The following TRANK1 variants were observed in gnomAD, a reference collection of about 807,000 sequenced individuals.
The protein encoded by TRANK1 is tetratricopeptide repeat and ankyrin repeat containing 1.
TRANK1 carries 198 observed loss-of-function variants against 266.0 expected under a neutral mutation model. The observed-to-expected ratio is 0.74, with a 90% CI of 0.66 to 0.84. The LOEUF (loss-of-function observed/expected upper bound fraction) is 0.84, where lower values mean the gene tolerates loss of function less well. Ranked by LOEUF, TRANK1 falls within the 40% of genes least tolerant of loss-of-function variation. The pLI is 0.00. For synonymous variants in TRANK1, 1,396 were observed against 1,384.1 expected, an observed-to-expected ratio of 1.01 and a Z score of -0.19; for missense variants, 3,326 against 3,634.6, an observed-to-expected ratio of 0.92 and a Z score of 2.18.
At position 36,857,832 on chromosome 3, in the gene TRANK1, A is replaced by T. The variant is rs1377522703; in HGVS notation, c.1890T>A (p.Asp630Glu). The change falls in exon 13 of 24, where the codon GAT becomes GAA. Residue 630 changes from aspartate to glutamate, a missense_variant. Coordinates refer to ENST00000645898, the MANE Select transcript of TRANK1 (RefSeq NM_001329998.2). This position sits in a 1 kb window ranked among gnomAD's most constrained non-coding sequence, Gnocchi z 4.3. ...CGTTCTTCTTAATCCGGTGCCGTGC[A>T]TCTTTGCCCTCTTTGTTCTTCAGAT... ...NFNLKNKEGK[D>E]ARHRIKKNDS... 2.9e-5 allele frequency: 46 copies of T among 1,613,798 alleles called. No homozygotes were observed. The highest frequency in any genetic ancestry group is 3.9e-5 in the Non-Finnish European group (46 of 1,179,886).
At chr3:36,941,510 A>G (rs967261564) in intron 1 of TRANK1, among the ~76,000 whole-genome samples, 1 of 152,250 alleles carries the variant, frequency 6.6e-6, no homozygotes, top group Non-Finnish European at 1.5e-5. Context: ...GATTTTCAAC[A>G]AAAACAAACA....
intron 1 of TRANK1, among the ~76,000 whole-genome samples, chr3:36,924,679 C>T (rs894456207): frequency 2.0e-4 from 31 of 152,120 alleles, no homozygotes; most frequent in Admixed American, 8.5e-4. Flanking sequence ...TCACAAGACC[C>T]CAGCCCCCTC....
At position 36,855,606 on chromosome 3, in the gene TRANK1, T is replaced by G. The variant is rs561024271; in HGVS notation, c.4116A>C (p.Val1372=). Residue 1372 remains valine (V), a synonymous_variant, in exon 13 of 24, where the codon GTA becomes GTC. Coordinates refer to ENST00000645898, the MANE Select transcript of TRANK1 (RefSeq NM_001329998.2). ...SCPHGRLTEE[V]YKKLGRKRCP... ...ACCGTTTCCTCCCTAATTTCTTATA[T>G]ACTTCTTCAGTGAGTCTCCCATGGG... 1 of 1,613,936 alleles carries G rather than the reference T, an allele frequency of 6.2e-7. No homozygotes were observed. The highest frequency in any genetic ancestry group is 1.1e-5 in the South Asian group (1 of 91,082).
chr3:36,851,960 C>G, intron 14 of TRANK1, 104 bp from the exon 15 acceptor site: 1 of 1,447,788 alleles, frequency 6.9e-7, no homozygotes, highest in Non-Finnish European at 9.2e-7. Context: ...AAATGGCCAG[C>G]ATAAACATGG....
At chr3:36,863,237 T>A (rs1328062965) in intron 10 of TRANK1, among the ~76,000 whole-genome samples, 4 of 152,186 alleles carry the variant, frequency 2.6e-5, no homozygotes, top group Admixed American at 6.5e-5. Flanking sequence ...ACACAGGCCA[T>A]AAGACACAAA....
intron 22 of TRANK1, among the ~76,000 whole-genome samples, chr3:36,830,664 A>T (rs1452587771): frequency 1.3e-5 from 2 of 152,228 alleles, no homozygotes; most frequent in African/African-American, 4.8e-5. Flanking sequence ...CAAGCCAAGG[A>T]TAATGACAAA....
Position 36,892,219 on chromosome 3 carries a change from C to A in TRANK1, c.758G>T (p.Arg253Leu). Reference protein sequence around the residue: ...IGPYPLHALMRLCIQARENHL... With the variant: ...IGPYPLHALMLLCIQARENHL... ...AGACTCACTGGCTTGGATACAGAGT[C>A]GCATGAGGGCATGAAGGGGATACGG... The change falls in exon 7 of 24, where the codon CGA becomes CTA. Residue 253 changes from arginine to leucine, a missense_variant. Transcript: ENST00000645898. 1 of 1,536,856 alleles carries A rather than the reference C, an allele frequency of 6.5e-7. No individual in the cohort carries two copies. Among genetic ancestry groups the A allele is most frequent in the East Asian group, 2.4e-5 (1 of 40,890 alleles).
At chr3:36,873,194 C>T (rs77344916) in intron 9 of TRANK1, among the ~76,000 whole-genome samples, 3 of 152,076 alleles carry the variant, frequency 2.0e-5, no homozygotes, top group African/African-American at 7.2e-5. Context: ...AAATACAATG[C>T]CTATATTCAG....
At chr3:36,905,419 G>A (rs765215884) in intron 2 of TRANK1, among the ~76,000 whole-genome samples, 59 of 152,284 alleles carry the variant, frequency 3.9e-4, no homozygotes, top group Admixed American at 2.1e-3. Context: ...AATGGAATAA[G>A]AAGAGACGCT....
Position 36,832,888 on chromosome 3 carries a change from T to C in TRANK1, c.6695A>G (p.Asn2232Ser). 6.2e-7 allele frequency: 1 copy of C among 1,613,896 alleles called. No homozygotes were observed. The highest frequency in any genetic ancestry group is 8.5e-7 in the Non-Finnish European group (1 of 1,179,830). ...VQSKMNLVAI[N>S]GLLLEAKKVF... ...TTTTTTGGCTTCCAAAAGCAACCCG[T>C]TGATTGCCACCAAGTTCATTTTCGA... Residue 2232 changes from asparagine (N) to serine (S), a missense_variant, in exon 22 of 24, where the codon AAC (asparagine) becomes AGC (serine). Coordinates refer to ENST00000645898, the MANE Select transcript of TRANK1 (RefSeq NM_001329998.2).
rs966299134 is a variant in TRANK1, at chr3:36,827,557, C to A, written c.*718G>T. The A allele has an allele frequency of 6.6e-6, 1 of 152,244 alleles. No individual in the cohort carries two copies. Among genetic ancestry groups the A allele is most frequent in the Admixed American group, 6.5e-5 (1 of 15,284 alleles). 9.4% of individuals were successfully genotyped at this position (152,244 alleles called of 1,614,324 possible). ...TCCCAGCAACATTCCCCAGCCTTTCCCCCTAGGGAAGGGACATCCAAAGAA... is the reference window on the plus strand; with the variant it reads ...TCCCAGCAACATTCCCCAGCCTTTCACCCTAGGGAAGGGACATCCAAAGAA... On this transcript the variant is annotated 3_prime_UTR_variant, in exon 24 of 24. Transcript: ENST00000645898.
intron 9 of TRANK1, among the ~76,000 whole-genome samples, chr3:36,873,540 C>T (rs2079340383): frequency 6.6e-6 from 1 of 152,112 alleles, no homozygotes; most frequent in South Asian, 2.1e-4. Flanking sequence ...TACTACCATG[C>T]AAATGTCATT....
chr3:36,897,671 C>T (rs1032298469), intron 4 of TRANK1, among the ~76,000 whole-genome samples: 2 of 152,232 alleles, frequency 1.3e-5, no homozygotes, highest in Admixed American at 6.5e-5. Context: ...GAAATTCTAA[C>T]ATGTGCCATT....
chr3:36,884,847 C>A (rs7428947), intron 8 of TRANK1, among the ~76,000 whole-genome samples: 49,842 of 151,034 alleles, frequency 0.33, 9,202 homozygotes, highest in East Asian at 0.57. Flanking sequence ...GCAGGAGAAT[C>A]GCTTGAACCC....
intron 15 of TRANK1, among the ~76,000 whole-genome samples, chr3:36,848,468 A>G (rs2078943828): frequency 6.6e-6 from 1 of 152,230 alleles, no homozygotes; most frequent in African/African-American, 2.4e-5. Flanking sequence ...GTCTTGTGAG[A>G]GTAGCTCTCC....
At chr3:36,839,906 T>C (rs1003206343) in intron 18 of TRANK1, among the ~76,000 whole-genome samples, 1 of 152,226 alleles carries the variant, frequency 6.6e-6, no homozygotes. Context: ...TTCTGAAACA[T>C]TTATTGACAT....
chr3:36,934,591 T>A (rs1462663995), intron 1 of TRANK1, among the ~76,000 whole-genome samples: 1 of 152,114 alleles, frequency 6.6e-6, no homozygotes, highest in African/African-American at 2.4e-5. Context: ...GCCCTGGGTA[T>A]CTCTGGTCAC....
chr3:36,940,649 C>G (rs1245477577), intron 1 of TRANK1, among the ~76,000 whole-genome samples: 2 of 152,126 alleles, frequency 1.3e-5, no homozygotes, highest in Non-Finnish European at 2.9e-5. Context: ...GATTCAGGAG[C>G]TGGGAAGTCT....
At chr3:36,830,123 T>A (rs1372380679) in intron 22 of TRANK1, among the ~76,000 whole-genome samples, 3 of 152,186 alleles carry the variant, frequency 2.0e-5, no homozygotes, top group Non-Finnish European at 4.4e-5. Context: ...GAGACCAGCC[T>A]GGCCAACATG....
Sources: gnomAD v4.1 joint callset for allele counts (sites outside exome capture counted in the v4.1 genomes callset) on GRCh38, gnomAD v4.1.1 for gene constraint, Gnocchi (gnomAD v3.1) non-coding constraint, MANE v1.5 for transcripts, NCBI Gene and HGNC (gene_info 2026-07-23, HGNC 2026-07-21) for gene names.